The following EXT1 variants were observed in gnomAD, a reference collection of about 807,000 sequenced individuals.
The protein encoded by EXT1 is exostosin glycosyltransferase 1.
Under a neutral mutation model 82.5 loss-of-function variants are expected in EXT1, and 20 were observed. The ratio of observed to expected loss-of-function variants is 0.24; its 90% CI spans 0.17 to 0.35. The LOEUF is 0.35. Ranked by LOEUF, EXT1 falls within the 10% of genes least tolerant of loss-of-function variation. EXT1 has a pLI of 1.00. For synonymous variants in EXT1, 348 were observed against 350.8 expected (o/e 0.99, Z 0.09); for missense variants, 757 against 936.5 (o/e 0.81, Z 2.50).
At chr8:118,022,713 A>G (rs1475454485) in intron 1 of EXT1, among the ~76,000 whole-genome samples, 1 of 152,080 alleles carries the variant, frequency 6.6e-6, no homozygotes, top group African/African-American at 2.4e-5. Context: ...AACAATGTCT[A>G]TAACTGTTGC....
At chr8:117,990,789 A>G (rs1815415564) in intron 1 of EXT1, among the ~76,000 whole-genome samples, 1 of 152,180 alleles carries the variant, frequency 6.6e-6, no homozygotes, top group African/African-American at 2.4e-5. Context: ...CGTTCTAGGC[A>G]CCGTGCATGG....
At chr8:118,003,642 C>G (rs1456162541) in intron 1 of EXT1, among the ~76,000 whole-genome samples, 2 of 152,102 alleles carry the variant, frequency 1.3e-5, no homozygotes, top group African/African-American at 4.8e-5. Context: ...CATTGCTATA[C>G]AATTTTACTT....
rs145246658 is a variant in EXT1, at chr8:117,963,836, C to A, written c.963-126635G>T. Among the ~76,000 whole-genome samples, 27 of 152,198 alleles carry A rather than the reference C, an allele frequency of 1.8e-4. No homozygotes were observed. In the East Asian group the frequency reaches 4.8e-3, roughly 27 times the overall value. ...TTGGCACAACAGCAAAAGAGTAACA[C>A]CCTATCTCTAAAAATGCTCCTGCTA... On this transcript the variant is annotated intron_variant, in intron 1 of 10. Coordinates refer to ENST00000378204, the MANE Select transcript of EXT1 (RefSeq NM_000127.3).
intron 1 of EXT1, among the ~76,000 whole-genome samples, chr8:117,922,733 G>A (rs1221810736): frequency 6.6e-6 from 1 of 152,200 alleles, no homozygotes; most frequent in Non-Finnish European, 1.5e-5. Flanking sequence ...CCAACATCCA[G>A]TGTATCTCGG....
At chr8:117,883,230 T>C (rs1034747456) in intron 1 of EXT1, among the ~76,000 whole-genome samples, 6 of 152,208 alleles carry the variant, frequency 3.9e-5, no homozygotes, top group Non-Finnish European at 8.8e-5. Context: ...CTTATGTGAT[T>C]TGAATTTTTC....
chr8:118,109,744 C>T (rs1817859595), intron 1 of EXT1, among the ~76,000 whole-genome samples: 1 of 152,188 alleles, frequency 6.6e-6, no homozygotes. Context: ...CAGAAACACC[C>T]TCCAGTACCC....
At chr8:117,923,061 G>C (rs1197334299) in intron 1 of EXT1, among the ~76,000 whole-genome samples, 10 of 151,956 alleles carry the variant, frequency 6.6e-5, no homozygotes, top group Non-Finnish European at 1.5e-4. Flanking sequence ...ACGGTGGCTT[G>C]TGCCTGTAAT....
At chr8:117,979,164 C>A (rs1815129926) in intron 1 of EXT1, among the ~76,000 whole-genome samples, 1 of 152,034 alleles carries the variant, frequency 6.6e-6, no homozygotes, top group Non-Finnish European at 1.5e-5. Flanking sequence ...ACCAGCCTGG[C>A]CAATATGGTG....
At chr8:117,977,637 C>T (rs962294524) in intron 1 of EXT1, among the ~76,000 whole-genome samples, 17 of 152,102 alleles carry the variant, frequency 1.1e-4, no homozygotes, top group African/African-American at 2.2e-4. Context: ...AGACACTAGA[C>T]AGGGCAAATT....
At chr8:117,918,678 G>GT (rs1665884619) in intron 1 of EXT1, among the ~76,000 whole-genome samples, 1 of 152,186 alleles carries the variant, frequency 6.6e-6, no homozygotes, top group African/African-American at 2.4e-5. Flanking sequence ...CAGAGCGGGC[G>GT]TGAGAGGCTG....
intron 1 of EXT1, among the ~76,000 whole-genome samples, chr8:117,968,156 A>C (rs1026002999): frequency 5.3e-5 from 8 of 152,102 alleles, no homozygotes; most frequent in African/African-American, 1.9e-4. Context: ...CTCAGACTGG[A>C]ATGCAGGGGC....
chr8:117,853,981 G>A (rs998058414), intron 1 of EXT1, among the ~76,000 whole-genome samples: 1 of 152,240 alleles, frequency 6.6e-6, no homozygotes, highest in Admixed American at 6.5e-5. Context: ...GGTACACTCA[G>A]GGGAGGAAGC....
intron 1 of EXT1, among the ~76,000 whole-genome samples, chr8:117,995,603 T>C (rs940095852): frequency 1.3e-5 from 2 of 152,100 alleles, no homozygotes; most frequent in African/African-American, 4.8e-5. Context: ...TTTGCCTCTC[T>C]GACTTTGTGT....
At chr8:118,083,699 C>T (rs1817370767) in intron 1 of EXT1, among the ~76,000 whole-genome samples, 1 of 152,144 alleles carries the variant, frequency 6.6e-6, no homozygotes, top group African/African-American at 2.4e-5. Context: ...GAATCAAGCA[C>T]TATTGACCAA....
intron 1 of EXT1, among the ~76,000 whole-genome samples, chr8:118,043,382 A>T (rs1363823508): frequency 6.6e-6 from 1 of 152,236 alleles, no homozygotes; most frequent in Non-Finnish European, 1.5e-5. Flanking sequence ...ATTATTTCCT[A>T]GGAAAGAGAC....
At chr8:117,940,756 G>T (rs1004452792) in intron 1 of EXT1, among the ~76,000 whole-genome samples, 26 of 152,174 alleles carry the variant, frequency 1.7e-4, no homozygotes, top group African/African-American at 6.0e-4. Context: ...AAATCTGTCT[G>T]GGTCTTGAAG....
chr8:117,838,641 TAA>T (rs562109467), intron 1 of EXT1, among the ~76,000 whole-genome samples: 1 of 149,366 alleles, frequency 6.7e-6, no homozygotes, highest in Admixed American at 6.7e-5. Context: ...TAGTTAAATA[TAA>T]AAAAAAAATA....
At chr8:117,846,127 CA>C (rs1320469964) in intron 1 of EXT1, among the ~76,000 whole-genome samples, 2 of 152,180 alleles carry the variant, frequency 1.3e-5, no homozygotes, top group South Asian at 2.1e-4. Flanking sequence ...CCCCTTTGAG[CA>C]GAGTCTTCTT....
intron 1 of EXT1, among the ~76,000 whole-genome samples, chr8:118,062,156 G>A (rs1816892523): frequency 6.6e-6 from 1 of 152,088 alleles, no homozygotes; most frequent in Non-Finnish European, 1.5e-5. Context: ...CAGCTTTCTG[G>A]TCATTATGGT....
Sources: allele counts gnomAD v4.1 joint callset (sites outside exome capture counted in the v4.1 genomes callset), GRCh38; gene constraint gnomAD v4.1.1; transcripts MANE v1.5; gene names NCBI Gene and HGNC (gene_info 2026-07-23, HGNC 2026-07-21).